LONP2: variants seen among roughly 807,000 people sequenced by gnomAD.
LONP2 encodes lon protease homolog 2, peroxisomal.
LONP2 carries 60 observed loss-of-function variants against 85.6 expected under a neutral mutation model. The observed-to-expected ratio is 0.70, with a 90% CI of 0.57 to 0.87. LONP2 has a LOEUF of 0.87. Ranked by LOEUF, LONP2 falls within the 40% of genes least tolerant of loss-of-function variation. The pLI, the probability that LONP2 is intolerant of heterozygous loss-of-function variation, is 0.00. For missense variants in LONP2, 860 were observed against 1,063.5 expected (o/e 0.81, Z 2.66); for synonymous variants, 395 against 389.7 (o/e 1.01, Z -0.16).
intron 11 of LONP2, among the ~76,000 whole-genome samples, chr16:48,322,957 C>T (rs964202244): frequency 2.6e-5 from 4 of 152,148 alleles, no homozygotes; most frequent in African/African-American, 7.2e-5. Context: ...CTTTCAGGTC[C>T]GTTGTTGTCT....
rs1960011176 is a variant in LONP2, at chr16:48,347,657, G to A, written c.2089G>A (p.Ala697Thr). ...GQLGDVMKES[A>T]HLAISWLRSN... ...GCTCGGGGACGTGATGAAGGAGTCC[G>A]CCCACCTCGCTATCAGCTGGCTCCG... is the stretch of plus-strand genomic sequence containing the variant. Residue 697 changes from alanine to threonine, a missense_variant, in exon 13 of 15, where the codon GCC becomes ACC. Physicochemically the swap from Ala to Thr is moderately conservative, Grantham distance 58. This residue lies in a region of LONP2 where 743 missense variants were observed against 917.3 expected (regional missense o/e 0.81). Transcript: ENST00000285737. 4 of 1,614,192 alleles carry A rather than the reference G, an allele frequency of 2.5e-6. No homozygotes were observed. Among genetic ancestry groups the A allele is most frequent in the Non-Finnish European group, 3.4e-6 (4 of 1,180,040 alleles).
intron 1 of LONP2, among the ~76,000 whole-genome samples, chr16:48,246,259 C>T (rs1281479534): frequency 3.9e-5 from 6 of 152,164 alleles, no homozygotes; most frequent in Non-Finnish European, 7.3e-5. Flanking sequence ...TTGGTTATTG[C>T]CTGAGTGGAA....
intron 14 of LONP2, among the ~76,000 whole-genome samples, chr16:48,350,384 C>T (rs906484435): frequency 1.5e-5 from 2 of 130,408 alleles, no homozygotes; most frequent in African/African-American, 5.4e-5. Context: ...GTAAGACTGT[C>T]TCAAAAAAAA....
At chr16:48,290,405 A>G (rs921760853) in intron 8 of LONP2, among the ~76,000 whole-genome samples, 3 of 152,130 alleles carry the variant, frequency 2.0e-5, no homozygotes, top group Non-Finnish European at 4.4e-5. Flanking sequence ...CTCTAATTCA[A>G]TTCTGACAAA....
intron 2 of LONP2, 142 bp from the exon 3 acceptor site, chr16:48,256,467 TA>T: frequency 1.3e-6 from 1 of 779,266 alleles, no homozygotes. Context: ...CTGAGGCCTG[TA>T]AAATACGTGG....
Position 48,356,661 on chromosome 16 carries a change from A to C in LONP2, c.*4859A>C, listed in dbSNP as rs1475692702. 2.7e-6 allele frequency: 1 copy of C among 366,868 alleles called. No homozygotes were observed. Among genetic ancestry groups the C allele is most frequent in the Admixed American group, 3.2e-5 (1 of 31,028 alleles). The allele number at this position is 366,868 out of a possible 1,614,324, so 22.7% of individuals were successfully genotyped here. ...CTGCACTTAAAAAACAAAAATGCTGAAAGAGGAAGGAAATATCAAAAAGGT... is the reference window on the plus strand; with the variant it reads ...CTGCACTTAAAAAACAAAAATGCTGCAAGAGGAAGGAAATATCAAAAAGGT... On this transcript the variant is annotated 3_prime_UTR_variant, in exon 15 of 15. Transcript: ENST00000285737.
chr16:48,257,160 A>G (rs1349757184), intron 3 of LONP2, among the ~76,000 whole-genome samples: 1 of 152,024 alleles, frequency 6.6e-6, no homozygotes, highest in Non-Finnish European at 1.5e-5. Flanking sequence ...AAAAATACAA[A>G]ATTAGCTGGG....
chr16:48,349,968 A>T (rs184264910), intron 14 of LONP2, among the ~76,000 whole-genome samples: 156 of 151,534 alleles, frequency 1.0e-3, no homozygotes, highest in African/African-American at 3.6e-3. Context: ...ATGAGGGAAA[A>T]TGGGCCAGGC....
At position 48,352,662 on chromosome 16, in the gene LONP2, A is replaced by G. The variant is rs1960186932; in HGVS notation, c.*860A>G. On this transcript the variant is annotated 3_prime_UTR_variant, in exon 15 of 15. Transcript: ENST00000285737. ...AAAAAAGACTCAAGTGGACCCTACA[A>G]TGAAGCCTACACATCCCAATAGAAG... 6.6e-6 allele frequency: 1 copy of G among 152,210 alleles called. No homozygotes were observed. The highest frequency in any genetic ancestry group is 2.4e-5 in the African/African-American group (1 of 41,400). The allele number at this position is 152,210 out of a possible 1,614,324, so 9.4% of individuals were successfully genotyped here.
At chr16:48,279,741 C>G (rs1972287802) in intron 8 of LONP2, among the ~76,000 whole-genome samples, 1 of 152,154 alleles carries the variant, frequency 6.6e-6, no homozygotes, top group African/African-American at 2.4e-5. Context: ...CCCCTCCTCC[C>G]TTTTACCCTT....
At chr16:48,245,646 G>C (rs1195906147) in intron 1 of LONP2, among the ~76,000 whole-genome samples, 1 of 152,102 alleles carries the variant, frequency 6.6e-6, no homozygotes, top group East Asian at 1.9e-4. Context: ...TAAATGTGCT[G>C]TAAGTGTACA....
At chr16:48,285,511 TGTTC>T (rs1293675727) in intron 8 of LONP2, among the ~76,000 whole-genome samples, 1 of 152,108 alleles carries the variant, frequency 6.6e-6, no homozygotes, top group Non-Finnish European at 1.5e-5. Flanking sequence ...TCTAAAGTGC[TGTTC>T]ACTTTTTTTA....
intron 2 of LONP2, 147 bp from the exon 3 acceptor site, chr16:48,256,462 GC>G (rs1971762501): frequency 1.4e-6 from 1 of 716,952 alleles, no homozygotes; most frequent in East Asian, 2.8e-5. Context: ...TTCCTCTGAG[GC>G]CTGTAAAATA....
chr16:48,260,577 T>G (rs1020799442), intron 4 of LONP2, among the ~76,000 whole-genome samples: 1 of 152,230 alleles, frequency 6.6e-6, no homozygotes, highest in African/African-American at 2.4e-5. Flanking sequence ...TCAGCCTGGA[T>G]TACAAAGCTT....
At chr16:48,301,854 GTTCTC>G (rs984994606) in intron 10 of LONP2, among the ~76,000 whole-genome samples, 1 of 152,160 alleles carries the variant, frequency 6.6e-6, no homozygotes, top group African/African-American at 2.4e-5. Context: ...CACACTAAGT[GTTCTC>G]TTCTTCAAGC....
chr16:48,270,321 A>G, intron 7 of LONP2, 47 bp downstream of exon 7: 1 of 1,596,326 alleles, frequency 6.3e-7, no homozygotes, highest in Middle Eastern at 1.7e-4. Flanking sequence ...TTTCTTTTTA[A>G]TTGACTAGAG....
At chr16:48,303,921 T>C (rs1272519244) in intron 11 of LONP2, among the ~76,000 whole-genome samples, 1 of 152,232 alleles carries the variant, frequency 6.6e-6, no homozygotes, top group Non-Finnish European at 1.5e-5. Flanking sequence ...ATTCTAGCCA[T>C]GCTGGAAGCT....
Sources: gnomAD v4.1 joint callset for allele counts (sites outside exome capture counted in the v4.1 genomes callset) on GRCh38, gnomAD v4.1.1 for gene constraint, gnomAD v4.1.1 regional missense constraint, MANE v1.5 for transcripts, NCBI Gene and HGNC (gene_info 2026-07-23, HGNC 2026-07-21) for gene names.